The following ANKFN1 variants were observed in gnomAD, a reference collection of about 807,000 sequenced individuals.
The protein encoded by ANKFN1 is ankyrin repeat and fibronectin type-III domain-containing protein 1.
A neutral mutation model predicts 108.7 loss-of-function variants in ANKFN1; 74 were observed. The ratio of observed to expected loss-of-function variants is 0.68; its 90% confidence interval spans 0.56 to 0.83. The LOEUF (loss-of-function observed/expected upper bound fraction) is 0.83, where lower values mean the gene tolerates loss of function less well. ANKFN1 is among the 40% of genes least tolerant of loss of function. The pLI is 0.00. For missense variants in ANKFN1, 1,505 were observed against 1,382.3 expected (o/e 1.09, Z -1.41); for synonymous variants, 547 against 516.2 (o/e 1.06, Z -0.81).
intron 1 of ANKFN1, among the ~76,000 whole-genome samples, chr17:56,158,883 T>G (rs1382490311): frequency 6.6e-6 from 1 of 152,000 alleles, no homozygotes; most frequent in Non-Finnish European, 1.5e-5. Context: ...AGTAGGATAA[T>G]TATCAGGAAT....
At chr17:56,169,066 G>A (rs1247825976) in intron 1 of ANKFN1, among the ~76,000 whole-genome samples, 1 of 152,092 alleles carries the variant, frequency 6.6e-6, no homozygotes, top group Non-Finnish European at 1.5e-5. Context: ...ACAGAAAGCG[G>A]GGAAAACAAT....
intron 3 of ANKFN1, among the ~76,000 whole-genome samples, chr17:56,304,820 C>T (rs762453838): frequency 3.9e-4 from 60 of 152,122 alleles, no homozygotes; most frequent in Non-Finnish European, 7.6e-4. Flanking sequence ...ATGCTTGTTG[C>T]ATTTTTGCCA....
At chr17:56,361,116 A>C (rs2046504940) in intron 6 of ANKFN1, among the ~76,000 whole-genome samples, 1 of 152,140 alleles carries the variant, frequency 6.6e-6, no homozygotes, top group Non-Finnish European at 1.5e-5. Flanking sequence ...TTTTTTACTT[A>C]GAATAACGTC....
intron 3 of ANKFN1, among the ~76,000 whole-genome samples, chr17:56,288,774 A>G (rs2044285934): frequency 6.6e-6 from 1 of 151,950 alleles, no homozygotes; most frequent in African/African-American, 2.4e-5. Flanking sequence ...CCTCCCCTCT[A>G]CCACACCATG....
intron 1 of ANKFN1, among the ~76,000 whole-genome samples, chr17:56,200,976 TC>T (rs1914004904): frequency 6.6e-6 from 1 of 152,168 alleles, no homozygotes; most frequent in Non-Finnish European, 1.5e-5. Flanking sequence ...TCTCCTTGCA[TC>T]TCTCCAGAAT....
At chr17:56,270,539 C>A (rs1281498794) in intron 3 of ANKFN1, among the ~76,000 whole-genome samples, 3 of 152,218 alleles carry the variant, frequency 2.0e-5, no homozygotes, top group Admixed American at 6.5e-5. Flanking sequence ...TAGTTGGTGG[C>A]TCTGCGTCCA....
chr17:56,324,269 C>T (rs193083205), intron 3 of ANKFN1, among the ~76,000 whole-genome samples: 6 of 152,180 alleles, frequency 3.9e-5, no homozygotes, highest in Admixed American at 6.5e-5. Context: ...CTCTAAGTAA[C>T]GTTAAAGTAT....
chr17:56,400,242 C>T (rs979141835), intron 8 of ANKFN1, among the ~76,000 whole-genome samples: 8 of 152,100 alleles, frequency 5.3e-5, no homozygotes, highest in South Asian at 2.1e-4. Context: ...TCCACACCAA[C>T]ATCTACTGTT....
intron 15 of ANKFN1, among the ~76,000 whole-genome samples, chr17:56,468,092 T>G (rs1475375725): frequency 6.6e-6 from 1 of 152,218 alleles, no homozygotes; most frequent in Non-Finnish European, 1.5e-5. Flanking sequence ...ATTTTGTCCC[T>G]TGGCACACAG....
intron 8 of ANKFN1, among the ~76,000 whole-genome samples, chr17:56,376,742 G>C (rs1289451138): frequency 6.6e-6 from 1 of 152,166 alleles, no homozygotes; most frequent in African/African-American, 2.4e-5. Flanking sequence ...GAAATGAAAG[G>C]TCACAAGTGG....
At chr17:56,414,415 A>G (rs930294025) in intron 8 of ANKFN1, among the ~76,000 whole-genome samples, 2 of 152,208 alleles carry the variant, frequency 1.3e-5, no homozygotes, top group African/African-American at 4.8e-5. Context: ...TTACACTTAT[A>G]CTATAACCAG....
chr17:56,061,954 G>T (rs4794620), intron 4 of ANKFN1, among the ~76,000 whole-genome samples: 100,248 of 152,020 alleles, frequency 0.66, 34,371 homozygotes, highest in Non-Finnish European at 0.78. Context: ...TTGTTTCAAA[G>T]AGCTTCTTGA....
chr17:56,315,363 G>C (rs1340323246), intron 3 of ANKFN1, among the ~76,000 whole-genome samples: 1 of 152,160 alleles, frequency 6.6e-6, no homozygotes, highest in Non-Finnish European at 1.5e-5. Flanking sequence ...TGGATAATCA[G>C]CCTTGGTTGT....
intron 10 of ANKFN1, among the ~76,000 whole-genome samples, chr17:56,448,238 AGAAG>A (rs2049360119): frequency 6.6e-6 from 1 of 152,144 alleles, no homozygotes; most frequent in South Asian, 2.1e-4. Context: ...GAAAGAAAAT[AGAAG>A]GAAGAAGGGA....
Position 56,127,160 on chromosome 17 carries a change from C to A in ANKFN1, c.288+80835C>A, listed in dbSNP as rs546032795. Among the ~76,000 whole-genome samples the A allele has an allele frequency of 3.3e-5, 5 of 152,122 alleles. No homozygotes were observed. The East Asian group carries it at 9.7e-4, about 29-fold the overall frequency. On this transcript the variant is annotated intron_variant, in intron 4 of 12. Coordinates refer to the ANKFN1 transcript ENST00000635860. ...TAATCACTCAATTCCTACAGTGCAC[C>A]GAGCACTTTGCATAAATTATCTTGT...
chr17:56,392,425 A>G (rs978815860), intron 8 of ANKFN1, among the ~76,000 whole-genome samples: 5 of 152,120 alleles, frequency 3.3e-5, no homozygotes, highest in Non-Finnish European at 7.4e-5. Context: ...CTCTACCCCC[A>G]CAGGTCCCCT....
intron 1 of ANKFN1, among the ~76,000 whole-genome samples, chr17:56,198,371 G>A (rs1289212734): frequency 6.6e-6 from 1 of 152,152 alleles, no homozygotes; most frequent in Non-Finnish European, 1.5e-5. Flanking sequence ...AGTAGGGTTG[G>A]CGCTCCTGTG....
At chr17:56,203,009 T>C (rs1914193145) in intron 1 of ANKFN1, among the ~76,000 whole-genome samples, 1 of 152,206 alleles carries the variant, frequency 6.6e-6, no homozygotes, top group South Asian at 2.1e-4. Flanking sequence ...TTTTTAGATT[T>C]CTGTGGTATC....
intron 3 of ANKFN1, among the ~76,000 whole-genome samples, chr17:56,303,938 C>T (rs2044745446): frequency 6.6e-6 from 1 of 151,064 alleles, no homozygotes; most frequent in African/African-American, 2.4e-5. Context: ...CCTCGTGATC[C>T]GTCCACCTTG....
Sources: gnomAD v4.1 joint callset for allele counts (sites outside exome capture counted in the v4.1 genomes callset) on GRCh38, gnomAD v4.1.1 for gene constraint, MANE v1.5 for transcripts, NCBI Gene and HGNC (gene_info 2026-07-23, HGNC 2026-07-21) for gene names.